Variants in LINGO2 observed in about 807,000 individuals in gnomAD.
LINGO2 encodes leucine rich repeat and Ig domain containing 2, also known as leucine-rich repeat and immunoglobulin-like domain-containing nogo receptor-interacting protein 2.
LINGO2 carries 14 observed loss-of-function variants against 30.6 expected under a neutral mutation model. The ratio of observed to expected loss-of-function variants is 0.46; its 90% CI spans 0.30 to 0.72. LINGO2 has a LOEUF of 0.72. Among genes scored for constraint, LINGO2 ranks in the 30% least tolerant of loss-of-function variants. The pLI is 0.07. For missense variants in LINGO2, 729 were observed against 751.7 expected, an observed-to-expected ratio of 0.97 and a Z score of 0.35; for synonymous variants, 317 against 288.5, an observed-to-expected ratio of 1.10 and a Z score of -1.00.
chr9:28,293,856 T>C (rs1823829843), intron 4 of LINGO2, among the ~76,000 whole-genome samples: 2 of 152,222 alleles, frequency 1.3e-5, no homozygotes, highest in Admixed American at 6.5e-5. Context: ...ATGTGTTAGA[T>C]GCCAATGCTA....
intron 4 of LINGO2, among the ~76,000 whole-genome samples, chr9:28,232,078 T>G (rs138976983): frequency 6.6e-6 from 1 of 152,188 alleles, no homozygotes; most frequent in Non-Finnish European, 1.5e-5. Flanking sequence ...TTGGTAATTT[T>G]TACCCATAGA....
At chr9:29,198,028 A>T in the LINGO2 span, among the ~76,000 whole-genome samples, 1 of 152,146 alleles carries the variant, frequency 6.6e-6, no homozygotes, top group African/African-American at 2.4e-5. Flanking sequence ...ACTTCCCATA[A>T]ATCATACTGT....
chr9:28,668,666 G>C (rs1268421664), intron 1 of LINGO2, among the ~76,000 whole-genome samples: 3 of 151,944 alleles, frequency 2.0e-5, no homozygotes, highest in Non-Finnish European at 4.4e-5. Flanking sequence ...AGGAAAAAAA[G>C]GTTTTAATTT....
chr9:29,050,347 T>C, the LINGO2 span, among the ~76,000 whole-genome samples: 2 of 152,330 alleles, frequency 1.3e-5, no homozygotes, highest in East Asian at 3.9e-4. Flanking sequence ...TCACATTGTA[T>C]GCCTTTATCA....
intron 2 of LINGO2, among the ~76,000 whole-genome samples, chr9:28,389,348 A>G (rs1300119349): frequency 6.6e-6 from 1 of 152,174 alleles, no homozygotes; most frequent in East Asian, 1.9e-4. Flanking sequence ...TTGTCTTCAA[A>G]TATTATTACT....
chr9:27,993,302 A>G (rs1821490368), intron 5 of LINGO2, among the ~76,000 whole-genome samples: 1 of 152,052 alleles, frequency 6.6e-6, no homozygotes. Context: ...TGGATTGTGG[A>G]TAATTTCAGT....
chr9:29,108,654 G>A, the LINGO2 span, among the ~76,000 whole-genome samples: 1 of 152,174 alleles, frequency 6.6e-6, no homozygotes, highest in African/African-American at 2.4e-5. Flanking sequence ...CAGCTGACAG[G>A]ATAAGGTGGC....
chr9:28,048,273 C>T (rs1174966859), intron 4 of LINGO2, among the ~76,000 whole-genome samples: 2 of 151,036 alleles, frequency 1.3e-5, no homozygotes, highest in East Asian at 3.9e-4. Context: ...CCAACTAAAT[C>T]TATAAATACA....
chr9:27,989,445 CTGTGTGTGTG>C (rs5897262), intron 5 of LINGO2, among the ~76,000 whole-genome samples: 1,671 of 150,480 alleles, frequency 0.011, 15 homozygotes, highest in Non-Finnish European at 0.014. Flanking sequence ...TGAATGCTCT[CTGTGTGTGTG>C]TGTGTGTGTG....
chr9:28,383,254 T>TTTTGTGTGTG (rs1554714265), intron 2 of LINGO2, among the ~76,000 whole-genome samples: 21 of 73,706 alleles, frequency 2.8e-4, no homozygotes, highest in African/African-American at 7.2e-4. Context: ...TCACCATTCA[T>TTTTGTGTGTG]TGTGTGTGTG....
At chr9:28,033,873 A>G (rs1415268684) in intron 4 of LINGO2, among the ~76,000 whole-genome samples, 1 of 152,196 alleles carries the variant, frequency 6.6e-6, no homozygotes, top group Admixed American at 6.5e-5. Context: ...TGTTCAGTCA[A>G]CAAGGATTTC....
chr9:28,152,845 A>G (rs978626764), intron 4 of LINGO2, among the ~76,000 whole-genome samples: 2 of 152,228 alleles, frequency 1.3e-5, no homozygotes, highest in Non-Finnish European at 2.9e-5. Flanking sequence ...AAAGACATAA[A>G]GAAAATAACT....
chr9:28,121,560 G>A (rs775836408), intron 4 of LINGO2, among the ~76,000 whole-genome samples: 8 of 152,122 alleles, frequency 5.3e-5, no homozygotes, highest in Non-Finnish European at 1.0e-4. Flanking sequence ...TGTGCTTGGA[G>A]CTACTGCAGC....
intron 2 of LINGO2, among the ~76,000 whole-genome samples, chr9:28,381,811 C>T (rs947343397): frequency 7.2e-5 from 11 of 152,112 alleles, no homozygotes; most frequent in Non-Finnish European, 1.5e-4. Flanking sequence ...CCCGACACTA[C>T]AATTTGGGGA....
the LINGO2 span, among the ~76,000 whole-genome samples, chr9:28,808,575 T>A: frequency 6.6e-6 from 1 of 152,190 alleles, no homozygotes; most frequent in African/African-American, 2.4e-5. Flanking sequence ...TTTTATAGAA[T>A]CCCAGTTTTG....
chr9:28,646,874 A>G (rs1269566608), intron 1 of LINGO2, among the ~76,000 whole-genome samples: 21 of 152,148 alleles, frequency 1.4e-4, no homozygotes, highest in Admixed American at 1.4e-3. Flanking sequence ...TTGATACTTT[A>G]GTGTTTCTGG....
intron 3 of LINGO2, among the ~76,000 whole-genome samples, chr9:28,351,428 C>T (rs1323553261): frequency 4.6e-5 from 7 of 151,652 alleles, no homozygotes; most frequent in African/African-American, 9.7e-5. Flanking sequence ...TCGACACATA[C>T]GCTCTCCCAA....
At chr9:28,499,722 G>A (rs1819807575) in intron 1 of LINGO2, among the ~76,000 whole-genome samples, 1 of 152,072 alleles carries the variant, frequency 6.6e-6, no homozygotes, top group South Asian at 2.1e-4. Flanking sequence ...TAAACAAATG[G>A]CATTCCTTCA....
chr9:28,451,995 A>C (rs1271675008), intron 2 of LINGO2, among the ~76,000 whole-genome samples: 2 of 151,550 alleles, frequency 1.3e-5, no homozygotes, highest in African/African-American at 4.8e-5. Flanking sequence ...CATATGAAAA[A>C]CTCTAACATT....
Sources: gnomAD v4.1 joint callset for allele counts (sites outside exome capture counted in the v4.1 genomes callset) on GRCh38, gnomAD v4.1.1 for gene constraint, MANE v1.5 for transcripts, NCBI Gene and HGNC (gene_info 2026-07-23, HGNC 2026-07-21) for gene names.